Variants in DPP6 observed in about 807,000 individuals in gnomAD.
The protein encoded by DPP6 is dipeptidyl peptidase like 6.
In DPP6, 69 loss-of-function variants were observed where a neutral mutation model predicts 122.6. The observed-to-expected ratio is 0.56, with a 90% CI of 0.46 to 0.69. The LOEUF (loss-of-function observed/expected upper bound fraction) is 0.69. Among genes scored for constraint, DPP6 ranks in the 30% least tolerant of loss-of-function variants. DPP6 has a pLI of 0.00. For synonymous variants in DPP6, 418 were observed against 433.1 expected, an observed-to-expected ratio of 0.97 and a Z score of 0.43; for missense variants, 928 against 1,116.9, an observed-to-expected ratio of 0.83 and a Z score of 2.41.
chr7:154,669,506 T>C lies in DPP6; in HGVS notation c.762+65T>C, dbSNP rs993711027. 4 of 1,541,970 alleles carry C rather than the reference T, an allele frequency of 2.6e-6. No individual in the cohort carries two copies. The African/African-American group carries it at 5.6e-5, about 21-fold the overall frequency. On this transcript the variant is annotated intron_variant, in intron 7 of 25. Transcript: ENST00000377770. Reference sequence around the variant, plus strand: ...GGAAGTTTCTGTTTTCTAAGCTGAATGGATCTCACTGTACTCAGCCTGTAC... The same window carrying C: ...GGAAGTTTCTGTTTTCTAAGCTGAACGGATCTCACTGTACTCAGCCTGTAC...
At chr7:153,980,623 T>C (rs1455535663) in intron 1 of DPP6, among the ~76,000 whole-genome samples, 2 of 152,192 alleles carry the variant, frequency 1.3e-5, no homozygotes, top group African/African-American at 4.8e-5. Flanking sequence ...TTTCTAGTTC[T>C]TTTGATTGTG....
chr7:154,135,497 C>T (rs1369793081), intron 1 of DPP6, among the ~76,000 whole-genome samples: 1 of 152,204 alleles, frequency 6.6e-6, no homozygotes, highest in African/African-American at 2.4e-5. Flanking sequence ...TATCTGTGCA[C>T]TTCCTGTGAG....
chr7:154,404,497 C>G (rs148532080), intron 1 of DPP6, among the ~76,000 whole-genome samples: 34 of 152,004 alleles, frequency 2.2e-4, no homozygotes, highest in East Asian at 1.9e-4. Context: ...ACGGGAGTGC[C>G]CATATGAATC....
upstream of DPP6, among the ~76,000 whole-genome samples, chr7:153,884,987 A>AATACATAC (rs1209555021): frequency 6.9e-5 from 8 of 116,466 alleles, no homozygotes; most frequent in South Asian, 1.5e-3. Flanking sequence ...TCAAAACAAA[A>AATACATAC]ATATATATAT....
chr7:153,908,040 T>TTTG (rs1335701931), intron 1 of DPP6, among the ~76,000 whole-genome samples: 2 of 151,342 alleles, frequency 1.3e-5, no homozygotes, highest in African/African-American at 4.8e-5. Flanking sequence ...TTTTTTTTTT[T>TTTG]TTTTTTTTTG....
intron 1 of DPP6, among the ~76,000 whole-genome samples, chr7:153,972,769 T>TG (rs1796087863): frequency 6.6e-6 from 1 of 151,220 alleles, no homozygotes; most frequent in African/African-American, 2.4e-5. Context: ...TTTTTTTTTT[T>TG]GGAATGAATT....
intron 1 of DPP6, among the ~76,000 whole-genome samples, chr7:153,982,488 A>G (rs953634036): frequency 2.0e-5 from 3 of 152,016 alleles, no homozygotes; most frequent in African/African-American, 7.2e-5. Flanking sequence ...TTGGGTTAGA[A>G]CATGCTCCTT....
intron 2 of DPP6, among the ~76,000 whole-genome samples, chr7:154,451,589 C>A (rs1249773972): frequency 2.0e-5 from 3 of 152,170 alleles, no homozygotes; most frequent in Admixed American, 1.3e-4. Flanking sequence ...ACATTCAGTT[C>A]TTTTGCAGCC....
At chr7:153,913,949 A>G (rs76758547) in intron 1 of DPP6, among the ~76,000 whole-genome samples, 4,379 of 152,210 alleles carry the variant, frequency 0.029, 103 homozygotes, top group African/African-American at 0.074. Context: ...TGCTTCTCCT[A>G]TTGTCTGAAT....
the DPP6 span, among the ~76,000 whole-genome samples, chr7:153,787,297 G>T: frequency 4.1e-5 from 6 of 145,564 alleles, no homozygotes; most frequent in Non-Finnish European, 9.1e-5. Context: ...AAGTAATTTG[G>T]TAAATATTAA....
intron 1 of DPP6, among the ~76,000 whole-genome samples, chr7:154,250,170 A>G (rs2150893796): frequency 6.6e-6 from 1 of 152,200 alleles, no homozygotes; most frequent in Admixed American, 6.5e-5. Context: ...AGCCCTTAAA[A>G]GGGACAGGAA....
chr7:154,771,233 TAGTC>T (rs1397778870), intron 9 of DPP6, among the ~76,000 whole-genome samples: 1 of 152,150 alleles, frequency 6.6e-6, no homozygotes, highest in African/African-American at 2.4e-5. Context: ...CCTGGTGTCT[TAGTC>T]AGTTCCAGCT....
intron 1 of DPP6, among the ~76,000 whole-genome samples, chr7:154,150,950 T>A (rs929468972): frequency 3.9e-5 from 6 of 152,116 alleles, no homozygotes; most frequent in Non-Finnish European, 1.5e-5. Context: ...GTCTCCCTCC[T>A]CCACACCTGT....
At chr7:154,779,039 ACCACAACTACCC>A (rs1796812597) in intron 10 of DPP6, among the ~76,000 whole-genome samples, 1 of 145,910 alleles carries the variant, frequency 6.9e-6, no homozygotes, top group African/African-American at 2.6e-5. Flanking sequence ...CACCACCACC[ACCACAACTACCC>A]CCACCATCAC....
the DPP6 span, among the ~76,000 whole-genome samples, chr7:153,859,622 G>T: frequency 6.6e-6 from 1 of 152,282 alleles, no homozygotes; most frequent in African/African-American, 2.4e-5. Flanking sequence ...AGACATGATG[G>T]TACCCACTGG....
At chr7:153,752,545 G>A in the DPP6 span, among the ~76,000 whole-genome samples, 6 of 151,576 alleles carry the variant, frequency 4.0e-5, no homozygotes, top group African/African-American at 9.7e-5. Context: ...CACCATGCCC[G>A]GCCAACAGCC....
chr7:154,859,339 G>C (rs1041957711), intron 17 of DPP6, among the ~76,000 whole-genome samples: 2 of 152,236 alleles, frequency 1.3e-5, no homozygotes, highest in Non-Finnish European at 2.9e-5. Flanking sequence ...GGAGGCCTCG[G>C]GGAGCCGGCT....
intron 4 of DPP6, among the ~76,000 whole-genome samples, chr7:154,563,067 GGGTATAAAAAGTC>G (rs1830527894): frequency 6.6e-6 from 1 of 152,094 alleles, no homozygotes; most frequent in South Asian, 2.1e-4. Context: ...TCAGAGAAAG[GGGTATAAAAAGTC>G]GGAGGCAAGG....
chr7:154,646,705 G>C (rs1316900198), intron 6 of DPP6, among the ~76,000 whole-genome samples: 1 of 152,196 alleles, frequency 6.6e-6, no homozygotes, highest in Admixed American at 6.5e-5. Flanking sequence ...GTCAGAGAGA[G>C]GGGTTGGGTG....
Sources: allele counts gnomAD v4.1 joint callset (sites outside exome capture counted in the v4.1 genomes callset), GRCh38; gene constraint gnomAD v4.1.1; transcripts MANE v1.5; gene names NCBI Gene and HGNC (gene_info 2026-07-23, HGNC 2026-07-21).